MME: variants seen among roughly 807,000 people sequenced by gnomAD.
MME encodes neprilysin.
A neutral mutation model predicts 113.2 loss-of-function variants in MME; 98 were observed. That is an observed-to-expected ratio of 0.87 (90% CI 0.74 to 1.02). The LOEUF (loss-of-function observed/expected upper bound fraction) is 1.02. Ranked by LOEUF, MME falls within the 50% of genes least tolerant of loss-of-function variation. The pLI, the probability that MME is intolerant of heterozygous loss-of-function variation, is 0.00. For synonymous variants in MME, 292 were observed against 300.6 expected, an observed-to-expected ratio of 0.97 and a Z score of 0.30; for missense variants, 836 against 896.0, an observed-to-expected ratio of 0.93 and a Z score of 0.86.
chr3:155,094,913 CCATGGACCAACAACAG>C (rs1716606139), intron 3 of MME, among the ~76,000 whole-genome samples: 2 of 152,294 alleles, frequency 1.3e-5, no homozygotes, highest in South Asian at 4.1e-4. Context: ...AATGCGTGGT[CCATGGACCAACAACAG>C]CAGCAGCCAC....
intron 1 of MME, among the ~76,000 whole-genome samples, chr3:155,056,695 T>G (rs1250899489): frequency 6.6e-6 from 1 of 152,080 alleles, no homozygotes; most frequent in Non-Finnish European, 1.5e-5. Context: ...ATATACCCAG[T>G]AATGGGATGG....
intron 1 of MME, among the ~76,000 whole-genome samples, chr3:155,057,339 T>A (rs544471594): frequency 6.6e-6 from 1 of 151,488 alleles, no homozygotes; most frequent in Non-Finnish European, 1.5e-5. Context: ...AAAAAACACA[T>A]GAAAAAATGC....
chr3:155,096,880 C>T (rs1474456102), intron 3 of MME, among the ~76,000 whole-genome samples: 3 of 151,974 alleles, frequency 2.0e-5, no homozygotes, highest in Admixed American at 6.6e-5. Flanking sequence ...CACCACACCC[C>T]GTTAAGTTTT....
upstream of MME, among the ~76,000 whole-genome samples, chr3:155,074,845 C>A (rs868590920): frequency 5.3e-5 from 8 of 152,048 alleles, no homozygotes; most frequent in Admixed American, 2.0e-4. Flanking sequence ...TATGAAAAGT[C>A]TTTGAGATTC....
At chr3:155,143,084 A>G (rs61758196) in intron 12 of MME, among the ~76,000 whole-genome samples, 2 of 152,136 alleles carry the variant, frequency 1.3e-5, no homozygotes, top group Non-Finnish European at 2.9e-5. Context: ...AAAAGCAGTA[A>G]TGTGTTTTCT....
intron 1 of MME, among the ~76,000 whole-genome samples, chr3:155,068,724 G>A (rs1287986546): frequency 6.6e-6 from 1 of 152,178 alleles, no homozygotes; most frequent in Non-Finnish European, 1.5e-5. Context: ...ACATCTGAGT[G>A]AGTAAAATAT....
intron 4 of MME, among the ~76,000 whole-genome samples, chr3:155,116,140 T>C (rs1358663890): frequency 4.0e-5 from 6 of 151,276 alleles, no homozygotes; most frequent in Non-Finnish European, 8.8e-5. Flanking sequence ...TTTTTTAATC[T>C]CAATTTCAAG....
intron 3 of MME, among the ~76,000 whole-genome samples, chr3:155,100,830 G>A (rs1411053614): frequency 6.6e-6 from 1 of 152,158 alleles, no homozygotes; most frequent in Non-Finnish European, 1.5e-5. Flanking sequence ...ATTAGCCTGG[G>A]CAATGTGGCA....
rs576506117 is a variant in MME, at chr3:155,042,283, T to C, written c.-11+17959T>C. On this transcript the variant is annotated intron_variant, in intron 1 of 22. Transcript: ENST00000492661. The stretch of plus-strand genomic sequence containing the variant: ...TCTTCCATCAGCTGGGTCAACTGTT[T>C]CTGTGTGTCTAGCTAATTACTTTTT... 2.4e-4 allele frequency among the ~76,000 whole-genome samples: 37 copies of C among 152,318 alleles called. No individual in the cohort carries two copies. The East Asian group carries it at 5.6e-3, about 23-fold the overall frequency.
Position 155,183,141 on chromosome 3 carries a change from G to T in MME, c.*2682G>T, listed in dbSNP as rs61761961. 1 of 152,216 alleles carries T rather than the reference G, an allele frequency of 6.6e-6. No homozygotes were observed. The allele number at this position is 152,216 out of a possible 1,614,324, so 9.4% of individuals were successfully genotyped here. On this transcript the variant is annotated 3_prime_UTR_variant, in exon 23 of 23. Transcript: ENST00000360490. Reference sequence around the variant, plus strand: ...AGTCTGCCTCCATGCTGCAGTGTTCGAGTGGATTGTAGGTGCAAGATGGAA... The same window carrying T: ...AGTCTGCCTCCATGCTGCAGTGTTCTAGTGGATTGTAGGTGCAAGATGGAA...
intron 1 of MME, among the ~76,000 whole-genome samples, chr3:155,029,156 TCTTA>T (rs1240310147): frequency 1.3e-5 from 2 of 152,154 alleles, no homozygotes; most frequent in Admixed American, 1.3e-4. Flanking sequence ...GCACAATTTT[TCTTA>T]CTATTTCTTG....
intron 1 of MME, among the ~76,000 whole-genome samples, chr3:155,045,263 G>T (rs926572892): frequency 6.6e-6 from 1 of 151,154 alleles, no homozygotes; most frequent in African/African-American, 2.4e-5. Context: ...CGATTCCCCT[G>T]CCTCAGCCTC....
In MME at chr3:155,144,468, G is replaced by A. The variant is rs1361788161; in HGVS notation, c.1416+11G>A. On this transcript the variant is annotated intron_variant, in intron 14 of 22. Coordinates refer to ENST00000360490, the MANE Select transcript of MME (RefSeq NM_007289.4). ...AGAGCTGAAGAAAAGGTAAAGAGCA[G>A]ACAGCTAACTAGCAAAGAAAAATCT... 6.4e-7 allele frequency: 1 copy of A among 1,550,894 alleles called. No homozygotes were observed. Among genetic ancestry groups the A allele is most frequent in the Non-Finnish European group, 8.9e-7 (1 of 1,122,890 alleles).
At position 155,180,473 on chromosome 3, in the gene MME, C is replaced by A; in HGVS notation, c.*14C>A. ...CGGGTTTGGTGATCTTCAAAAGAAG[C>A]ATTGCAGCCCTTGGCTAGACTTGCC... is the stretch of plus-strand genomic sequence containing the variant. On this transcript the variant is annotated 3_prime_UTR_variant, in exon 23 of 23. Coordinates refer to ENST00000360490, the MANE Select transcript of MME (RefSeq NM_007289.4). 6.3e-7 allele frequency: 1 copy of A among 1,596,606 alleles called. No homozygotes were observed. The highest frequency in any genetic ancestry group is 8.6e-7 in the Non-Finnish European group (1 of 1,164,282).
intron 22 of MME, among the ~76,000 whole-genome samples, chr3:155,174,042 G>A (rs1712256815): frequency 6.6e-6 from 1 of 151,804 alleles, no homozygotes; most frequent in Admixed American, 6.6e-5. Context: ...GTAGACAAGA[G>A]GTATGAACAG....
chr3:155,092,474 A>G (rs1716377302), intron 3 of MME, among the ~76,000 whole-genome samples: 1 of 152,262 alleles, frequency 6.6e-6, no homozygotes, highest in Non-Finnish European at 1.5e-5. Context: ...TATACTTTCC[A>G]TACAACCCAG....
rs113796208 is a variant in MME, at chr3:155,165,312, G to GGA, written c.1661-1589_1661-1588dup. On this transcript the variant is annotated intron_variant, in intron 17 of 22. Transcript: ENST00000360490. ...ATGACCCAAAATTTGATTAAACAGG[G>GGA]GAAATATATTCCAAGGGAAGATACT... Among the ~76,000 whole-genome samples, 900 of 152,032 alleles carry GGA rather than the reference G, an allele frequency of 5.9e-3. 8 individuals are homozygous for GGA. Among genetic ancestry groups the GGA allele is most frequent in the African/African-American group, 0.021 (866 of 41,464 alleles).
rs776694440 is a variant in MME at position 155,114,959 on chromosome 3, C to T, written c.197-35C>T. The stretch of plus-strand genomic sequence containing the variant: ...TTTTAAGCCTCTTAAGAAATAAACC[C>T]ATCATTTTATCTAGTGTTTTCTCTG... On this transcript the variant is annotated intron_variant, in intron 3 of 22. Coordinates refer to ENST00000360490, the MANE Select transcript of MME (RefSeq NM_007289.4). 7.5e-6 allele frequency: 12 copies of T among 1,609,308 alleles called. No homozygotes were observed. The Admixed American group carries it at 1.8e-4, about 25-fold the overall frequency.
intron 3 of MME, among the ~76,000 whole-genome samples, chr3:155,095,024 T>G (rs1716622143): frequency 6.6e-6 from 1 of 152,214 alleles, no homozygotes; most frequent in South Asian, 2.1e-4. Flanking sequence ...CTTCAGGTGA[T>G]CTGCAAAATA....
Sources: allele counts gnomAD v4.1 joint callset (sites outside exome capture counted in the v4.1 genomes callset), GRCh38; gene constraint gnomAD v4.1.1; transcripts MANE v1.5; gene names NCBI Gene and HGNC (gene_info 2026-07-23, HGNC 2026-07-21).